Variants in APOBEC1 observed in about 807,000 individuals in gnomAD.
APOBEC1 encodes apolipoprotein B mRNA editing enzyme catalytic subunit 1, also known as C->U-editing enzyme APOBEC-1.
Under a neutral mutation model 26.3 loss-of-function variants are expected in APOBEC1, and 22 were observed. The observed-to-expected ratio is 0.84, with a 90% CI of 0.60 to 1.19. The LOEUF is 1.19. Ranked by LOEUF, APOBEC1 falls within the 50% of genes most tolerant of loss-of-function variation. The pLI is 0.00. For missense variants in APOBEC1, 253 were observed against 289.0 expected, an observed-to-expected ratio of 0.88 and a Z score of 0.90; for synonymous variants, 77 against 95.3, an observed-to-expected ratio of 0.81 and a Z score of 1.12.
chr12:7,670,534 C>T (rs112778711), upstream of APOBEC1, among the ~76,000 whole-genome samples: 2 of 139,038 alleles, frequency 1.4e-5, no homozygotes, highest in East Asian at 2.1e-4. Flanking sequence ...GCGGGTGGAT[C>T]GCCTGAGGTC....
At chr12:7,669,195 CTT>C (rs201005757), upstream of APOBEC1, among the ~76,000 whole-genome samples, 27 of 140,878 alleles carry the variant, frequency 1.9e-4, no homozygotes, top group Non-Finnish European at 2.0e-4. Context: ...TCAGCTTTTC[CTT>C]TTTTTTTTTT....
chr12:7,651,218 C>T (rs544725997), intron 3 of APOBEC1, 77 bp from the exon 4 acceptor site: 282 of 1,011,670 alleles, frequency 2.8e-4, no homozygotes, highest in Non-Finnish European at 2.2e-4. Flanking sequence ...CCTAGCTTCC[C>T]GTATAGAAAG....
intron 1 of APOBEC1, among the ~76,000 whole-genome samples, chr12:7,664,350 A>T (rs1241575981): frequency 6.6e-6 from 1 of 152,178 alleles, no homozygotes; most frequent in African/African-American, 2.4e-5. Context: ...TTTTAGTCAT[A>T]TCTCTGTGCT....
chr12:7,666,903 C>T (rs962228486), upstream of APOBEC1, among the ~76,000 whole-genome samples: 1 of 145,222 alleles, frequency 6.9e-6, no homozygotes, highest in Non-Finnish European at 1.5e-5. Flanking sequence ...TGGCCAAGTC[C>T]ACTTCTGCCC....
chr12:7,668,606 A>G (rs1863920558), upstream of APOBEC1, among the ~76,000 whole-genome samples: 1 of 152,236 alleles, frequency 6.6e-6, no homozygotes, highest in Non-Finnish European at 1.5e-5. Context: ...GATGAAATGT[A>G]GCTATTCAGT....
At chr12:7,665,676 A>C (rs1782423101) in intron 1 of APOBEC1, among the ~76,000 whole-genome samples, 181 bp downstream of exon 1, 1 of 151,556 alleles carries the variant, frequency 6.6e-6, no homozygotes, top group Non-Finnish European at 1.5e-5. Context: ...CTAATAATAA[A>C]CCATCTTATT....
chr12:7,649,493 T>C lies in APOBEC1; in HGVS notation c.*54A>G. On this transcript the variant is annotated 3_prime_UTR_variant, in exon 5 of 5. Coordinates refer to ENST00000229304, the MANE Select transcript of APOBEC1 (RefSeq NM_001644.5). ...TAGATTCTAAATGGCATTCACTCTT[T>C]AGTGGGTCATCATTGCTTGTTCTTG... 2 of 1,579,872 alleles carry C rather than the reference T, an allele frequency of 1.3e-6. No homozygotes were observed. Among genetic ancestry groups the C allele is most frequent in the South Asian group, 2.3e-5 (2 of 87,610 alleles).
chr12:7,659,322 AAT>A (rs1328982852), intron 1 of APOBEC1, among the ~76,000 whole-genome samples: 3,647 of 46,256 alleles, frequency 0.079, 349 homozygotes, highest in East Asian at 0.091. Context: ...AAAAAAAAAA[AAT>A]ATATATATAT....
intron 1 of APOBEC1, among the ~76,000 whole-genome samples, chr12:7,656,156 G>T (rs1484725593): frequency 2.0e-5 from 3 of 151,546 alleles, no homozygotes; most frequent in Non-Finnish European, 4.4e-5. Flanking sequence ...TTTTTTTAAA[G>T]AAAGAAATAA....
intron 1 of APOBEC1, among the ~76,000 whole-genome samples, chr12:7,663,154 AG>A (rs1480290749): frequency 4.6e-5 from 7 of 152,130 alleles, no homozygotes; most frequent in Non-Finnish European, 1.0e-4. Context: ...ATTTTTGAAC[AG>A]AGAAGAGTCA....
intron 1 of APOBEC1, among the ~76,000 whole-genome samples, chr12:7,664,919 A>T (rs1046921136): frequency 6.9e-6 from 1 of 145,784 alleles, no homozygotes. Context: ...AAAAAAAAAA[A>T]TTTGGTTAGG....
At chr12:7,651,223 A>G in intron 3 of APOBEC1, 82 bp from the exon 4 acceptor site, 1 of 971,532 alleles carries the variant, frequency 1.0e-6, no homozygotes, top group Non-Finnish European at 1.7e-6. Context: ...CTTCCCGTAT[A>G]GAAAGCCTGT....
At position 7,653,489 on chromosome 12, in the gene APOBEC1, CTTTTT is replaced by C. The variant is rs57508175; in HGVS notation, c.45-659_45-655del. Among the ~76,000 whole-genome samples the C allele has an allele frequency of 2.0e-3, 237 of 116,198 alleles. 1 individual carries two copies. Among genetic ancestry groups the C allele is most frequent in the African/African-American group, 5.5e-3 (172 of 31,404 alleles). 76.2% of individuals were successfully genotyped at this position (116,198 alleles called of 152,430 possible). A position where few individuals can be genotyped will look rare whatever the true frequency, so the allele number is the denominator to read the frequency against. Reference sequence around the variant, plus strand: ...AATTTTCCTTCATTATATTCTAACCCTTTTTTTTTTTTTTTTTTTTTAAGACATGG... The same window carrying C: ...AATTTTCCTTCATTATATTCTAACCCTTTTTTTTTTTTTTTTAAGACATGG... On this transcript the variant is annotated intron_variant, in intron 2 of 4. Transcript: ENST00000229304.
At chr12:7,664,001 A>G (rs1027023581) in intron 1 of APOBEC1, among the ~76,000 whole-genome samples, 5 of 151,950 alleles carry the variant, frequency 3.3e-5, no homozygotes, top group African/African-American at 4.8e-5. Flanking sequence ...GATTACAGGC[A>G]TGTGCTACCG....
intron 1 of APOBEC1, among the ~76,000 whole-genome samples, chr12:7,662,354 G>A (rs61937011): frequency 0.13 from 19,600 of 152,142 alleles, 1,336 homozygotes; most frequent in Middle Eastern, 0.15. Context: ...AGGCCAAGGC[G>A]GGTGGATCAC....
At chr12:7,670,190 G>A (rs1863935119), upstream of APOBEC1, among the ~76,000 whole-genome samples, 1 of 137,736 alleles carries the variant, frequency 7.3e-6, no homozygotes, top group Non-Finnish European at 1.6e-5. Context: ...CATCATGTTG[G>A]TCAGGCTGGT....
rs549235155 is a variant in APOBEC1 at position 7,662,025 on chromosome 12, G to A, written c.16+3832C>T. On this transcript the variant is annotated intron_variant, in intron 1 of 4. Transcript: ENST00000229304. ...TTCAGGAGGCTGAGGCGGGAGGATTGCTTGAGGCTAGGAAATTGAGACTAC... is the reference window on the plus strand; with the variant it reads ...TTCAGGAGGCTGAGGCGGGAGGATTACTTGAGGCTAGGAAATTGAGACTAC... Among the ~76,000 whole-genome samples, 4 of 152,040 alleles carry A rather than the reference G, an allele frequency of 2.6e-5. No homozygotes were observed. In the South Asian group the frequency reaches 6.2e-4, roughly 24 times the overall value.
At chr12:7,651,631 A>G (rs1368652391) in intron 3 of APOBEC1, among the ~76,000 whole-genome samples, 4 of 134,568 alleles carry the variant, frequency 3.0e-5, no homozygotes, top group Admixed American at 7.6e-5. Context: ...AAAAAAAAAG[A>G]GTTGTTGTTT....
upstream of APOBEC1, among the ~76,000 whole-genome samples, chr12:7,667,191 C>T (rs527732026): frequency 1.3e-5 from 2 of 152,210 alleles, no homozygotes; most frequent in African/African-American, 4.8e-5. Context: ...GGATTACAGG[C>T]GTGAGCCACC....
Sources: gnomAD v4.1 joint callset for allele counts (sites outside exome capture counted in the v4.1 genomes callset) on GRCh38, gnomAD v4.1.1 for gene constraint, MANE v1.5 for transcripts, NCBI Gene and HGNC (gene_info 2026-07-23, HGNC 2026-07-21) for gene names.